The following ZSCAN32 variants were observed in gnomAD, a reference collection of about 807,000 sequenced individuals.
ZSCAN32 encodes zinc finger and SCAN domain-containing protein 32.
ZSCAN32 carries 52 observed loss-of-function variants against 47.4 expected under a neutral mutation model. The ratio of observed to expected loss-of-function variants is 1.10; its 90% CI spans 0.88 to 1.38. ZSCAN32 has a LOEUF of 1.38. Among genes scored for constraint, ZSCAN32 ranks in the 40% most tolerant of loss-of-function variants. The probability of loss-of-function intolerance (pLI) is 0.00; values close to 1 mark genes in which losing one functional copy is unlikely to be tolerated. For synonymous variants in ZSCAN32, 346 were observed against 305.7 expected (o/e 1.13, Z -1.38); for missense variants, 959 against 846.0 (o/e 1.13, Z -1.66).
intron 3 of ZSCAN32, among the ~76,000 whole-genome samples, chr16:3,393,255 A>ATATATATTT (rs778563958): frequency 6.2e-5 from 1 of 16,162 alleles, no homozygotes; most frequent in African/African-American, 4.4e-4. Context: ...ATATATATAT[A>ATATATATTT]TTTTTTGTTT....
At chr16:3,389,706 T>G (rs989257345) in intron 5 of ZSCAN32, among the ~76,000 whole-genome samples, 2 of 152,216 alleles carry the variant, frequency 1.3e-5, no homozygotes, top group African/African-American at 2.4e-5. Context: ...TCTGTGCTCC[T>G]GGTGGCCACC....
intron 5 of ZSCAN32, 56 bp from the exon 6 acceptor site, chr16:3,384,997 A>T: frequency 6.4e-7 from 1 of 1,563,124 alleles, no homozygotes; most frequent in Non-Finnish European, 8.6e-7. Flanking sequence ...GGAGGACTGT[A>T]CATACTGCAG....
At position 3,397,467 on chromosome 16, in the gene ZSCAN32, G is replaced by C; in HGVS notation, c.91C>G (p.Pro31Ala). The change falls in exon 2 of 7, where the codon CCT becomes GCT. Residue 31 changes from proline (P) to alanine (A), a missense_variant. Physicochemically the swap from Pro to Ala is conservative, Grantham distance 27. Transcript: ENST00000396852. ...CGCTGACGGGAGGCCTCGGAGTCAGGGCTGTTACCCTGGAGGGCTGATTTC... is the reference window on the plus strand; with the variant it reads ...CGCTGACGGGAGGCCTCGGAGTCAGCGCTGTTACCCTGGAGGGCTGATTTC... ...GQKSALQGNS[P>A]DSEASRQRFR... 3 of 1,550,712 alleles carry C rather than the reference G, an allele frequency of 1.9e-6. No individual in the cohort carries two copies. The highest frequency in any genetic ancestry group is 2.6e-6 in the Non-Finnish European group (3 of 1,147,052).
In ZSCAN32 at chr16:3,397,211, T is replaced by C. The variant is rs2033452406; in HGVS notation, c.347A>G (p.Gln116Arg). ...EEAVALVEDV[Q>R]RAPGQQVLDS... The stretch of plus-strand genomic sequence containing the variant: ...TCTCACCTGTTGTCCAGGAGCTCTC[T>C]GTACATCCTCAACCAGAGCCACAGC... Residue 116 changes from glutamine (Q) to arginine (R), a missense_variant, in exon 2 of 7, where the codon CAG (glutamine) becomes CGG (arginine). Coordinates refer to ENST00000396852, the MANE Select transcript of ZSCAN32 (RefSeq NM_001284527.2). The C allele has an allele frequency of 2.6e-6, 4 of 1,544,858 alleles. No homozygotes were observed. The highest frequency in any genetic ancestry group is 1.2e-5 in the South Asian group (1 of 83,406).
chr16:3,384,251 G>T (rs1475176756), intron 6 of ZSCAN32: 2 of 645,520 alleles, frequency 3.1e-6, no homozygotes, highest in Admixed American at 6.0e-5. Flanking sequence ...CATGAACTTA[G>T]TTGAAAGAGG....
chr16:3,400,534 G>C (rs1396822842), intron 1 of ZSCAN32, among the ~76,000 whole-genome samples: 2 of 152,182 alleles, frequency 1.3e-5, no homozygotes, highest in Non-Finnish European at 2.9e-5. Flanking sequence ...TCACTCTAGC[G>C]ATGGCCCAAA....
At chr16:3,386,860 G>A (rs867365299) in intron 5 of ZSCAN32, among the ~76,000 whole-genome samples, 4 of 151,510 alleles carry the variant, frequency 2.6e-5, no homozygotes, top group Admixed American at 6.6e-5. Flanking sequence ...GTTCATGGGT[G>A]CAGCACACCA....
At position 3,384,733 on chromosome 16, in the gene ZSCAN32, C is replaced by T; in HGVS notation, c.960G>A (p.Val320=). ...AAGGCTCAGGCACACGGCCTCTCCTCACTTTGCGGTAACTCAACTGTAGGC... is the reference window on the plus strand; with the variant it reads ...AAGGCTCAGGCACACGGCCTCTCCTTACTTTGCGGTAACTCAACTGTAGGC... ...FKSLQLSYRK[V]RRGRVPEPCI... Residue 320 remains valine (V), a synonymous_variant, in exon 6 of 7, where the codon GTG becomes GTA. Coordinates refer to ENST00000396852, the MANE Select transcript of ZSCAN32 (RefSeq NM_001284527.2). The T allele has an allele frequency of 6.2e-7, 1 of 1,614,250 alleles. No homozygotes were observed. The highest frequency in any genetic ancestry group is 1.1e-5 in the South Asian group (1 of 91,088).
rs1418029656 is a variant in ZSCAN32, at chr16:3,383,743, G to C, written c.1235-32C>G. ...AAAAAAAACCCCACAGAAATACAAT[G>C]GACTATAGAGAAGGAAAACAATGGA... On this transcript the variant is annotated intron_variant, in intron 6 of 6. Coordinates refer to ENST00000396852, the MANE Select transcript of ZSCAN32 (RefSeq NM_001284527.2). 3 of 1,543,244 alleles carry C rather than the reference G, an allele frequency of 1.9e-6. No homozygotes were observed. The East Asian group carries it at 6.7e-5, about 35-fold the overall frequency.
Position 3,393,811 on chromosome 16 carries a change from G to C in ZSCAN32, c.370C>G (p.Leu124Val), listed in dbSNP as rs1279252952. The C allele has an allele frequency of 1.3e-6, 2 of 1,547,648 alleles. No homozygotes were observed. Among genetic ancestry groups the C allele is most frequent in the African/African-American group, 2.7e-5 (2 of 72,970 alleles). The part of the protein sequence containing the change: ...DVQRAPGQQV[L>V]DSEKDLKVLM... ...ACTTTCAAGTCCTTCTCAGAATCTA[G>C]AACCTGAGAACAGACCCCATTATCT... is the stretch of plus-strand genomic sequence containing the variant. The change falls in exon 3 of 7, where the codon CTA (leucine) becomes GTA (valine). Residue 124 changes from leucine to valine, a missense_variant. Leu to Val is a conservative substitution (Grantham distance 32, BLOSUM62 1). Transcript: ENST00000396852.
In ZSCAN32 at chr16:3,386,320, G is replaced by T. The variant is rs573515977; in HGVS notation, c.752-1379C>A. The stretch of plus-strand genomic sequence containing the variant: ...GTGCTGGAGAGGATGTGGAGAAATA[G>T]GAACACTTTTACACTGTTGGTGGGA... On this transcript the variant is annotated intron_variant, in intron 5 of 6. Coordinates refer to ENST00000396852, the MANE Select transcript of ZSCAN32 (RefSeq NM_001284527.2). Among the ~76,000 whole-genome samples the T allele has an allele frequency of 9.2e-5, 14 of 152,286 alleles. No individual in the cohort carries two copies. In the South Asian group the frequency reaches 1.9e-3, roughly 20 times the overall value.
chr16:3,396,496 C>T (rs2033379302), intron 2 of ZSCAN32, among the ~76,000 whole-genome samples: 1 of 152,194 alleles, frequency 6.6e-6, no homozygotes, highest in African/African-American at 2.4e-5. Flanking sequence ...CACAGACCCA[C>T]TCAGGCTGAC....
rs769066440 is a variant in ZSCAN32, at chr16:3,382,936, G to A, written c.2010C>T (p.Phe670=). ...PYRCSHCERG[F]TKNSALTRHQ... ...GACGGGTGAGGGCAGAGTTCTTAGT[G>A]AAGCCTCTCTCACAGTGAGAACACC... Residue 670 remains phenylalanine (F), a synonymous_variant, in exon 7 of 7, where the codon TTC becomes TTT. Transcript: ENST00000396852. 1 of 1,613,522 alleles carries A rather than the reference G, an allele frequency of 6.2e-7. No homozygotes were observed. The highest frequency in any genetic ancestry group is 1.1e-5 in the South Asian group (1 of 91,022).
Position 3,383,177 on chromosome 16 carries a change from G to A in ZSCAN32, c.1769C>T (p.Ser590Phe), listed in dbSNP as rs780953755. The change falls in exon 7 of 7, where the codon TCC (serine) becomes TTC (phenylalanine). Residue 590 changes from serine to phenylalanine, a missense_variant. Coordinates refer to ENST00000396852, the MANE Select transcript of ZSCAN32 (RefSeq NM_001284527.2). ...GGTCCTCTGGTGGACAATGAGGCTG[G>A]AACTCTGGTTGAAGCTTTTCCCACA... ...GQCGKSFNQS[S>F]SLIVHQRTHT... is the part of the protein sequence containing the mutation. 1 of 1,614,154 alleles carries A rather than the reference G, an allele frequency of 6.2e-7. No homozygotes were observed. The highest frequency in any genetic ancestry group is 8.5e-7 in the Non-Finnish European group (1 of 1,180,026).
At chr16:3,390,385 G>A (rs2032539120) in intron 4 of ZSCAN32, 38 bp downstream of exon 4, 1 of 1,505,986 alleles carries the variant, frequency 6.6e-7, no homozygotes, top group Non-Finnish European at 9.0e-7. Context: ...GGGTGAGAGT[G>A]GGTACTCAAG....
chr16:3,385,037 A>G, intron 5 of ZSCAN32, 96 bp from the exon 6 acceptor site: 2 of 1,439,348 alleles, frequency 1.4e-6, no homozygotes, highest in Non-Finnish European at 9.3e-7. Context: ...AAAAAGTTAC[A>G]TCCTAGGCTG....
At position 3,393,711 on chromosome 16, in the gene ZSCAN32, G is replaced by C; in HGVS notation, c.470C>G (p.Pro157Arg). Residue 157 changes from proline (P) to arginine (R), a missense_variant, in exon 3 of 7, where the codon CCA becomes CGA. Pro to Arg is a moderately radical substitution (Grantham distance 103, BLOSUM62 -2). Transcript: ENST00000396852. Reference protein sequence around the residue: ...LRSQWKQEVQPEEPTFKGSQS... With the variant: ...LRSQWKQEVQREEPTFKGSQS... ...TGATCCCTTAAAAGTCGGTTCCTCT[G>C]GCTGAACCTCCTGTTTCCATTGGGA... 6.5e-7 allele frequency: 1 copy of C among 1,550,384 alleles called. No individual in the cohort carries two copies. The highest frequency in any genetic ancestry group is 1.7e-4 in the Middle Eastern group (1 of 5,842).
At position 3,398,948 on chromosome 16, in the gene ZSCAN32, C is replaced by T. The variant is rs1368694996; in HGVS notation, c.-187-1204G>A. ...TGTGAAAAAGTCCCCCTCGACCAGG[C>T]GTGGTGGCTCACGCTTGCAATCCCA... On this transcript the variant is annotated intron_variant, in intron 1 of 6. Transcript: ENST00000396852. 5.3e-5 allele frequency among the ~76,000 whole-genome samples: 8 copies of T among 152,304 alleles called. No homozygotes were observed. In the South Asian group the frequency reaches 1.2e-3, roughly 24 times the overall value.
At position 3,397,567 on chromosome 16, in the gene ZSCAN32, C is replaced by G. The variant is rs145419494; in HGVS notation, c.-10G>C. 31 of 1,522,028 alleles carry G rather than the reference C, an allele frequency of 2.0e-5. No individual in the cohort carries two copies. In the Admixed American group the frequency reaches 4.1e-4, roughly 20 times the overall value. The allele number at this position is 1,522,028 out of a possible 1,614,324, so 94.3% of individuals were successfully genotyped here. A position where few individuals can be genotyped will look rare whatever the true frequency, so the allele number is the denominator to read the frequency against. On this transcript the variant is annotated 5_prime_UTR_variant, in exon 2 of 7. Coordinates refer to ENST00000396852, the MANE Select transcript of ZSCAN32 (RefSeq NM_001284527.2). ...TCACTGCAGCCATCATTTGCTTCAA[C>G]GAACTGGCTTACTCTGGTTGCCACT...
Sources: allele counts gnomAD v4.1 joint callset (sites outside exome capture counted in the v4.1 genomes callset), GRCh38; gene constraint gnomAD v4.1.1; transcripts MANE v1.5; gene names NCBI Gene and HGNC (gene_info 2026-07-23, HGNC 2026-07-21).